Variants in PLXDC2 observed in about 807,000 individuals in gnomAD.
The protein encoded by PLXDC2 is plexin domain containing 2.
A neutral mutation model predicts 68.9 loss-of-function variants in PLXDC2; 40 were observed. The observed-to-expected ratio is 0.58, with a 90% CI of 0.45 to 0.76. The LOEUF is 0.76. PLXDC2 is among the 30% of genes least tolerant of loss of function. The pLI, the probability that PLXDC2 is intolerant of heterozygous loss-of-function variation, is 0.00. For synonymous variants in PLXDC2, 243 were observed against 234.2 expected (o/e 1.04, Z -0.34); for missense variants, 644 against 661.9 (o/e 0.97, Z 0.30).
At chr10:20,116,270 G>A (rs553804767) in intron 4 of PLXDC2, among the ~76,000 whole-genome samples, 71 of 152,098 alleles carry the variant, frequency 4.7e-4, no homozygotes, top group Middle Eastern at 3.4e-3. Flanking sequence ...TTTCCCCCCC[G>A]GAAAACAGTA....
chr10:20,244,790 A>G (rs566658427), intron 12 of PLXDC2, among the ~76,000 whole-genome samples: 4 of 152,300 alleles, frequency 2.6e-5, no homozygotes, highest in African/African-American at 7.2e-5. Flanking sequence ...TTTGAGAATA[A>G]AAGCTATTCA....
intron 2 of PLXDC2, among the ~76,000 whole-genome samples, chr10:20,004,000 T>G (rs1189735456): frequency 6.6e-6 from 1 of 152,224 alleles, no homozygotes; most frequent in Non-Finnish European, 1.5e-5. Flanking sequence ...CTACTTTCTC[T>G]GAGCTGACAG....
chr10:20,020,420 T>A (rs1343250843), intron 2 of PLXDC2, among the ~76,000 whole-genome samples: 4 of 152,052 alleles, frequency 2.6e-5, no homozygotes, highest in African/African-American at 9.7e-5. Context: ...TTGTGATCAT[T>A]TATCTCCTAG....
rs1836194184 is a variant in PLXDC2 at position 20,288,877 on chromosome 10, T to G, written c.*9058T>G. The G allele has an allele frequency of 6.6e-6, 1 of 152,086 alleles. No homozygotes were observed. Among genetic ancestry groups the G allele is most frequent in the Admixed American group, 6.5e-5 (1 of 15,274 alleles). The allele number at this position is 152,086 out of a possible 1,614,324, so 9.4% of individuals were successfully genotyped here. On this transcript the variant is annotated 3_prime_UTR_variant, in exon 14 of 14. Transcript: ENST00000377252. Reference sequence around the variant, plus strand: ...TGTGGAAGCTGGTGGGGACCAAATGTTACCTGTGTTTTTGCTGTTGATTGC... The same window carrying G: ...TGTGGAAGCTGGTGGGGACCAAATGGTACCTGTGTTTTTGCTGTTGATTGC...
At chr10:20,256,725 A>T (rs558984341) in intron 13 of PLXDC2, among the ~76,000 whole-genome samples, 1 of 151,446 alleles carries the variant, frequency 6.6e-6, no homozygotes, top group Non-Finnish European at 1.5e-5. Flanking sequence ...ACTGTGATCC[A>T]GTAGCTTATA....
At chr10:20,010,508 T>C (rs968856108) in intron 2 of PLXDC2, among the ~76,000 whole-genome samples, 20 of 152,166 alleles carry the variant, frequency 1.3e-4, no homozygotes, top group African/African-American at 4.3e-4. Context: ...ACATGTCAGC[T>C]CTTTATTGAA....
chr10:19,937,315 G>T (rs946176829), intron 1 of PLXDC2, among the ~76,000 whole-genome samples: 2 of 151,810 alleles, frequency 1.3e-5, no homozygotes, highest in Non-Finnish European at 2.9e-5. Flanking sequence ...TGCTTGGTCT[G>T]CCCTCAATCG....
chr10:20,267,718 CA>C (rs1835888567), intron 13 of PLXDC2, among the ~76,000 whole-genome samples: 1 of 152,082 alleles, frequency 6.6e-6, no homozygotes, highest in South Asian at 2.1e-4. Flanking sequence ...AAATAATTCA[CA>C]AACCATATTA....
intron 4 of PLXDC2, among the ~76,000 whole-genome samples, chr10:20,124,667 T>C (rs1456831805): frequency 6.7e-6 from 1 of 149,388 alleles, no homozygotes; most frequent in Non-Finnish European, 1.5e-5. Context: ...GGCCGTTTTA[T>C]AGGATTTGGA....
chr10:19,913,929 CACAG>C (rs1328165270), intron 1 of PLXDC2, among the ~76,000 whole-genome samples: 3 of 152,012 alleles, frequency 2.0e-5, no homozygotes, highest in Non-Finnish European at 4.4e-5. Flanking sequence ...CAGACACACA[CACAG>C]ACAAACACAC....
At chr10:20,240,164 A>C (rs897755231) in intron 12 of PLXDC2, among the ~76,000 whole-genome samples, 3 of 152,156 alleles carry the variant, frequency 2.0e-5, no homozygotes, top group African/African-American at 7.2e-5. Flanking sequence ...CACACTTACA[A>C]GTGAGAACAT....
chr10:19,915,603 A>G (rs1250679429), intron 1 of PLXDC2, among the ~76,000 whole-genome samples: 1 of 151,680 alleles, frequency 6.6e-6, no homozygotes, highest in African/African-American at 2.4e-5. Context: ...TTTTGTTGTA[A>G]TTTTCTCTCT....
At chr10:20,044,080 G>T (rs932315122) in intron 2 of PLXDC2, among the ~76,000 whole-genome samples, 1 of 52,476 alleles carries the variant, frequency 1.9e-5, no homozygotes, top group Non-Finnish European at 4.3e-5. Context: ...CTTGCGCAGG[G>T]ATCTGGCTTT....
intron 1 of PLXDC2, among the ~76,000 whole-genome samples, chr10:19,969,418 C>A (rs1325231896): frequency 6.6e-6 from 1 of 152,204 alleles, no homozygotes; most frequent in Non-Finnish European, 1.5e-5. Flanking sequence ...CTCCCCCTCC[C>A]CAATGGAGAT....
At chr10:19,973,275 T>C (rs915691721) in intron 1 of PLXDC2, among the ~76,000 whole-genome samples, 2 of 148,874 alleles carry the variant, frequency 1.3e-5, no homozygotes, top group Non-Finnish European at 3.0e-5. Flanking sequence ...CACAGATATA[T>C]GTATACACAT....
intron 7 of PLXDC2, among the ~76,000 whole-genome samples, chr10:20,164,987 A>G (rs1178144425): frequency 2.6e-5 from 4 of 151,608 alleles, no homozygotes; most frequent in Non-Finnish European, 4.4e-5. Context: ...ATGCTTGGCT[A>G]ACTTTTTTTA....
intron 1 of PLXDC2, among the ~76,000 whole-genome samples, chr10:19,891,467 G>C (rs1304943876): frequency 2.0e-5 from 3 of 152,136 alleles, no homozygotes; most frequent in African/African-American, 7.2e-5. Flanking sequence ...GTGCTATAGA[G>C]TTTTGAATGA....
chr10:20,174,255 A>G (rs559502434), intron 7 of PLXDC2, among the ~76,000 whole-genome samples: 39 of 152,222 alleles, frequency 2.6e-4, no homozygotes, highest in African/African-American at 6.3e-4. Flanking sequence ...GTAGGAATGA[A>G]TACTATTTAG....
At chr10:20,182,021 G>A (rs562484976) in intron 9 of PLXDC2, among the ~76,000 whole-genome samples, 1 of 151,262 alleles carries the variant, frequency 6.6e-6, no homozygotes, top group Non-Finnish European at 1.5e-5. Flanking sequence ...TGATTCTGAG[G>A]ATCAGGAGAG....
Sources: gnomAD v4.1 joint callset for allele counts (sites outside exome capture counted in the v4.1 genomes callset) on GRCh38, gnomAD v4.1.1 for gene constraint, MANE v1.5 for transcripts, NCBI Gene and HGNC (gene_info 2026-07-23, HGNC 2026-07-21) for gene names.